Variants in TELO2 observed in about 807,000 individuals in gnomAD.
TELO2 encodes telomere length regulation protein TEL2 homolog.
Under a neutral mutation model 91.0 loss-of-function variants are expected in TELO2, and 71 were observed. The ratio of observed to expected loss-of-function variants is 0.78; its 90% CI spans 0.64 to 0.95. TELO2 has a LOEUF of 0.95. Ranked by LOEUF, TELO2 falls within the 40% of genes least tolerant of loss-of-function variation. The probability of loss-of-function intolerance (pLI) is 0.00; values close to 1 mark genes in which losing one functional copy is unlikely to be tolerated. For synonymous variants in TELO2, 584 were observed against 518.9 expected, an observed-to-expected ratio of 1.13 and a Z score of -1.71; for missense variants, 1,183 against 1,141.3, an observed-to-expected ratio of 1.04 and a Z score of -0.53.
chr16:1,500,525 G>A (rs762589856), intron 8 of TELO2, 37 bp downstream of exon 8: 39 of 1,609,598 alleles, frequency 2.4e-5, no homozygotes, highest in South Asian at 1.8e-4. Flanking sequence ...GGCCTCGGGC[G>A]CCCCGAGGTG....
rs963365961 is a variant in TELO2 at position 1,501,978 on chromosome 16, C to T, written c.1473-69C>T. 2.5e-6 allele frequency: 4 copies of T among 1,596,812 alleles called. No individual in the cohort carries two copies. In the African/African-American group the frequency reaches 5.4e-5, roughly 21 times the overall value. ...CCGCATCTTGGGGAGGAGAGAGGGG[C>T]TGGCTCTGCCGTTGGGCACTTCCTG... is the stretch of plus-strand genomic sequence containing the variant. On this transcript the variant is annotated intron_variant, in intron 11 of 20. Transcript: ENST00000262319.
At chr16:1,501,999 TC>T (rs781580575) in intron 11 of TELO2, 47 bp from the exon 12 acceptor site, 1 of 1,611,138 alleles carries the variant, frequency 6.2e-7, no homozygotes, top group South Asian at 1.1e-5. Context: ...GTTGGGCACT[TC>T]CTGTCACAGG....
In TELO2 at chr16:1,506,960, T is replaced by C; in HGVS notation, c.2135T>C (p.Val712Ala). Residue 712 changes from valine to alanine, a missense_variant, in exon 18 of 21, where the codon GTG becomes GCG. Val to Ala is a moderately conservative substitution (Grantham distance 64, BLOSUM62 0). Coordinates refer to ENST00000262319, the MANE Select transcript of TELO2 (RefSeq NM_016111.4). ...PLLQRFDRPL[V>A]TFDLLGEDQL... ...TCCATCCTGTGCTCTAGGCCTCTGG[T>C]GACCTTCGACCTCTTGGGAGAAGAC... 1 of 1,609,844 alleles carries C rather than the reference T, an allele frequency of 6.2e-7. No individual in the cohort carries two copies. Among genetic ancestry groups the C allele is most frequent in the Middle Eastern group, 1.7e-4 (1 of 6,036 alleles).
In TELO2 at chr16:1,505,899, G is replaced by A. The variant is rs1221022525; in HGVS notation, c.2034+298G>A. On this transcript the variant is annotated intron_variant, in intron 16 of 20. Coordinates refer to ENST00000262319, the MANE Select transcript of TELO2 (RefSeq NM_016111.4). The surrounding 1 kb of genome is among the most constrained non-coding windows in gnomAD (Gnocchi z 4.3). ...GTTGCTCCACCTGAGGATGTTTAGG[G>A]GCGTCTGGAGATGTTTTTGGTTGTC... 1.3e-5 allele frequency among the ~76,000 whole-genome samples: 2 copies of A among 152,184 alleles called. No individual in the cohort carries two copies. The highest frequency in any genetic ancestry group is 3.9e-4 in the East Asian group (2 of 5,190).
chr16:1,497,046 T>C lies in TELO2; in HGVS notation c.624T>C (p.Asp208=). ...CCCTTTCTGTCCCAGGTGGCCTGGA[T>C]TCCTCCGTGTCCTTCGTGTCTCAGG... is the stretch of plus-strand genomic sequence containing the variant. ...AVVDSLQGGL[D]SSVSFVSQVL... The change falls in exon 4 of 21, where the codon GAT becomes GAC. Residue 208 remains aspartate (D), a synonymous_variant. Coordinates refer to ENST00000262319, the MANE Select transcript of TELO2 (RefSeq NM_016111.4). The surrounding 1 kb of genome is among the most constrained non-coding windows in gnomAD (Gnocchi z 4.0). 6.2e-7 allele frequency: 1 copy of C among 1,614,056 alleles called. No individual in the cohort carries two copies. The highest frequency in any genetic ancestry group is 8.5e-7 in the Non-Finnish European group (1 of 1,179,970).
chr16:1,505,614 TGGTC>T lies in TELO2; in HGVS notation c.2034+14_2034+17del. ...GCGGCTCTCCAAGGTTAGTGGCGCCTGGTCAGCTCCTCACGGGCATGGGGACCGT... is the reference window on the plus strand; with the variant it reads ...GCGGCTCTCCAAGGTTAGTGGCGCCTAGCTCCTCACGGGCATGGGGACCGT... On this transcript the variant is annotated intron_variant, in intron 16 of 20. Coordinates refer to ENST00000262319, the MANE Select transcript of TELO2 (RefSeq NM_016111.4). The surrounding 1 kb of genome is among the most constrained non-coding windows in gnomAD (Gnocchi z 4.3). The T allele has an allele frequency of 7.0e-7, 1 of 1,434,760 alleles. No homozygotes were observed. Among genetic ancestry groups the T allele is most frequent in the Non-Finnish European group, 9.5e-7 (1 of 1,055,470 alleles). The allele number at this position is 1,434,760 out of a possible 1,614,324, so 88.9% of individuals were successfully genotyped here. A position where few individuals can be genotyped will look rare whatever the true frequency, so the allele number is the denominator to read the frequency against.
intron 20 of TELO2, 150 bp downstream of exon 20, chr16:1,507,866 GTGTGTGTGTGTGTGTGTGTGTGT>G: frequency 2.5e-6 from 1 of 398,272 alleles, no homozygotes; most frequent in South Asian, 3.6e-5. Flanking sequence ...GTGTGTGTGT[GTGTGTGTGTGTGTGTGTGTGTGT>G]GTGTGATGTG....
rs1210472399 is a variant in TELO2, at chr16:1,506,934, C to T, written c.2127-18C>T. The stretch of plus-strand genomic sequence containing the variant: ...CCTGAGGCACCCGCTGCACCTTGGG[C>T]TCCATCCTGTGCTCTAGGCCTCTGG... On this transcript the variant is annotated intron_variant, in intron 17 of 20. Coordinates refer to ENST00000262319, the MANE Select transcript of TELO2 (RefSeq NM_016111.4). The T allele has an allele frequency of 1.3e-6, 2 of 1,597,718 alleles. No individual in the cohort carries two copies. The highest frequency in any genetic ancestry group is 1.7e-5 in the Admixed American group (1 of 58,208).
At position 1,495,400 on chromosome 16, in the gene TELO2, G is replaced by T; in HGVS notation, c.390G>T (p.Glu130Asp). 1 of 1,583,298 alleles carries T rather than the reference G, an allele frequency of 6.3e-7. No individual in the cohort carries two copies. Among genetic ancestry groups the T allele is most frequent in the Non-Finnish European group, 8.6e-7 (1 of 1,165,810 alleles). ...MARLLARFLR[E>D]GRLAVLMEAQ... The stretch of plus-strand genomic sequence containing the variant: ...GGCTGCTGGCCAGATTCCTGCGCGA[G>T]GGCCGGCTGGCAGTGCTGATGGAGG... The change falls in exon 3 of 21, where the codon GAG becomes GAT. Residue 130 changes from glutamate to aspartate, a missense_variant. Glu to Asp is a conservative substitution (Grantham distance 45, BLOSUM62 2). Transcript: ENST00000262319.
At chr16:1,501,857 G>T (rs1023992205) in intron 11 of TELO2, 84 bp downstream of exon 11, 71 of 1,487,572 alleles carry the variant, frequency 4.8e-5, no homozygotes, top group Non-Finnish European at 6.1e-5. Context: ...CCCCGTGGGG[G>T]GCTCCCTGCC....
Position 1,497,355 on chromosome 16 carries a change from C to G in TELO2, c.683-6C>G, listed in dbSNP as rs750125162. ...CCAGGCTCAGGTCCTCCGTCTGTCC[C>G]CTCAGAGGAGATCCTGGGCGTGCTG... On this transcript the variant is annotated splice_polypyrimidine_tract_variant and splice_region_variant and intron_variant, in intron 4 of 20. Transcript: ENST00000262319. This position sits in a 1 kb window ranked among gnomAD's most constrained non-coding sequence, Gnocchi z 4.0. 24 of 1,544,034 alleles carry G rather than the reference C, an allele frequency of 1.6e-5. No homozygotes were observed. The South Asian group carries it at 2.5e-4, about 16-fold the overall frequency.
Position 1,499,347 on chromosome 16 carries a change from G to A in TELO2, c.933+14G>A, listed in dbSNP as rs769185024. On this transcript the variant is annotated intron_variant, in intron 6 of 20. Coordinates refer to ENST00000262319, the MANE Select transcript of TELO2 (RefSeq NM_016111.4). The stretch of plus-strand genomic sequence containing the variant: ...TCCCGGCTCACGGTGAGGACGCCAC[G>A]GAGGGTGCAGGCTGCTGGCTGCCCC... The A allele has an allele frequency of 3.7e-6, 6 of 1,613,356 alleles. No homozygotes were observed. Among genetic ancestry groups the A allele is most frequent in the South Asian group, 2.2e-5 (2 of 91,082 alleles).
intron 20 of TELO2, 24 bp downstream of exon 20, chr16:1,507,740 G>A: frequency 6.3e-7 from 1 of 1,587,058 alleles, no homozygotes; most frequent in Admixed American, 1.7e-5. Flanking sequence ...TGCGGTGTGT[G>A]TGTGAGATGT....
rs766076947 is a variant in TELO2 at position 1,497,442 on chromosome 16, T to C, written c.764T>C (p.Leu255Pro). 6.4e-7 allele frequency: 1 copy of C among 1,567,546 alleles called. No homozygotes were observed. The highest frequency in any genetic ancestry group is 1.2e-5 in the South Asian group (1 of 85,348). Residue 255 changes from leucine (L) to proline (P), a missense_variant, in exon 5 of 21, where the codon CTG (leucine) becomes CCG (proline). Leu to Pro is a moderately conservative substitution (Grantham distance 98, BLOSUM62 -3). Coordinates refer to ENST00000262319, the MANE Select transcript of TELO2 (RefSeq NM_016111.4). The surrounding 1 kb of genome is among the most constrained non-coding windows in gnomAD (Gnocchi z 4.0). ...SYLHQRVCWR[L>P]VEQVPDRAME... is the part of the protein sequence containing the mutation. ...CTGCACCAGCGCGTCTGCTGGCGCC[T>C]GGTGGAGCAAGTGCCGGACCGGGCC... is the stretch of plus-strand genomic sequence containing the variant.
In TELO2 at chr16:1,494,115, A is replaced by C; in HGVS notation, c.-36-131A>C. 2 of 624,074 alleles carry C rather than the reference A, an allele frequency of 3.2e-6. No individual in the cohort carries two copies. Among genetic ancestry groups the C allele is most frequent in the Non-Finnish European group, 5.6e-6 (2 of 360,026 alleles). The allele number at this position is 624,074 out of a possible 1,614,324, so 38.7% of individuals were successfully genotyped here. On this transcript the variant is annotated intron_variant, in intron 1 of 20. Transcript: ENST00000262319. The surrounding 1 kb of genome is among the most constrained non-coding windows in gnomAD (Gnocchi z 5.6). ...TGGAAACCGGCAGGCACTGGAGGGG[A>C]AGGAGGCGGGACAGGGTTGGGTGGG...
At position 1,497,602 on chromosome 16, in the gene TELO2, T is replaced by G; in HGVS notation, c.830+94T>G. ...TTCACGCTACTTCTCCTGGGCGCCG[T>G]GCTGCAGCTGGCACCCCCATGTAGG... is the stretch of plus-strand genomic sequence containing the variant. On this transcript the variant is annotated intron_variant, in intron 5 of 20. Coordinates refer to ENST00000262319, the MANE Select transcript of TELO2 (RefSeq NM_016111.4). The surrounding 1 kb of genome is among the most constrained non-coding windows in gnomAD (Gnocchi z 4.0). The G allele has an allele frequency of 6.9e-7, 1 of 1,442,716 alleles. No individual in the cohort carries two copies. The highest frequency in any genetic ancestry group is 9.2e-7 in the Non-Finnish European group (1 of 1,092,576). 89.4% of individuals were successfully genotyped at this position (1,442,716 alleles called of 1,614,324 possible). A position where few individuals can be genotyped will look rare whatever the true frequency, so the allele number is the denominator to read the frequency against.
Position 1,494,447 on chromosome 16 carries a change from T to C in TELO2, c.166T>C (p.Ser56Pro), listed in dbSNP as rs1157834393. The C allele has an allele frequency of 7.4e-6, 12 of 1,613,238 alleles. No individual in the cohort carries two copies. Among genetic ancestry groups the C allele is most frequent in the Non-Finnish European group, 5.1e-6 (6 of 1,179,950 alleles). Residue 56 changes from serine (S) to proline (P), a missense_variant, in exon 2 of 21, where the codon TCG becomes CCG. By Grantham distance (74) the Ser-to-Pro change is moderately conservative. Transcript: ENST00000262319. The surrounding 1 kb of genome is among the most constrained non-coding windows in gnomAD (Gnocchi z 5.6). ...ALPREKEEFA[S>P]AHFSPVLRCL... ...CCCGAGGGAGAAGGAGGAGTTTGCCTCGGCCCACTTCTCGCCTGTCCTCAG... is the reference window on the plus strand; with the variant it reads ...CCCGAGGGAGAAGGAGGAGTTTGCCCCGGCCCACTTCTCGCCTGTCCTCAG...
At chr16:1,501,314 A>G in intron 9 of TELO2, 106 bp from the exon 10 acceptor site, 1 of 1,212,692 alleles carries the variant, frequency 8.2e-7, no homozygotes, top group Admixed American at 2.1e-5. Flanking sequence ...ACTGAGTGAG[A>G]CCGGGCTGCG....
At chr16:1,499,089 C>T (rs918288456) in intron 5 of TELO2, 142 bp from the exon 6 acceptor site, 22 of 770,944 alleles carry the variant, frequency 2.9e-5, no homozygotes, top group African/African-American at 2.2e-4. Flanking sequence ...CTCAGGCAGT[C>T]GGAGGATGGA....
Sources: allele counts gnomAD v4.1 joint callset (sites outside exome capture counted in the v4.1 genomes callset), GRCh38; gene constraint gnomAD v4.1.1; non-coding constraint Gnocchi (gnomAD v3.1); transcripts MANE v1.5; gene names NCBI Gene and HGNC (gene_info 2026-07-23, HGNC 2026-07-21).